The following CACNA1C variants were observed in gnomAD, a reference collection of about 807,000 sequenced individuals.
CACNA1C encodes the protein voltage-dependent L-type calcium channel subunit alpha-1C.
In CACNA1C, 30 loss-of-function variants were observed where a neutral mutation model predicts 229.0. That is an observed-to-expected ratio of 0.13 (90% CI 0.10 to 0.18). CACNA1C has a LOEUF of 0.18. Ranked by LOEUF, CACNA1C falls within the 10% of genes least tolerant of loss-of-function variation. CACNA1C has a pLI of 1.00. For missense variants in CACNA1C, 1,658 were observed against 2,845.0 expected (o/e 0.58, Z 9.49); for synonymous variants, 1,114 against 1,132.5 (o/e 0.98, Z 0.33).
At chr12:2,500,502 T>C (rs2099757060) in intron 7 of CACNA1C, among the ~76,000 whole-genome samples, 1 of 152,156 alleles carries the variant, frequency 6.6e-6, no homozygotes, top group African/African-American at 2.4e-5. Context: ...TTTGAGGAAG[T>C]TGCCTGGGCG....
chr12:2,322,536 A>G (rs1202213670), intron 3 of CACNA1C, among the ~76,000 whole-genome samples: 1 of 152,216 alleles, frequency 6.6e-6, no homozygotes, highest in African/African-American at 2.4e-5. Flanking sequence ...AGAAGGCAAG[A>G]GAGAAATCAT....
chr12:2,412,951 A>G (rs913692683), intron 3 of CACNA1C, among the ~76,000 whole-genome samples: 11 of 152,252 alleles, frequency 7.2e-5, no homozygotes, highest in Admixed American at 6.5e-4. Context: ...AGTAAAATTT[A>G]TGATATAAGT....
chr12:2,459,498 G>C (rs1376418415), intron 5 of CACNA1C, among the ~76,000 whole-genome samples: 2 of 152,152 alleles, frequency 1.3e-5, no homozygotes, highest in Non-Finnish European at 2.9e-5. Flanking sequence ...AAAGCTTGTG[G>C]CCTGTCTTAG....
intron 29 of CACNA1C, among the ~76,000 whole-genome samples, chr12:2,629,717 G>A (rs555071268): frequency 6.6e-6 from 1 of 152,296 alleles, no homozygotes; most frequent in Non-Finnish European, 1.5e-5. Flanking sequence ...TATCTCCAAC[G>A]ATGGAGCCAA....
rs191747522 is a variant in CACNA1C, at chr12:2,377,264, C to T, written c.478-71712C>T. 2.7e-3 allele frequency among the ~76,000 whole-genome samples: 404 copies of T among 152,254 alleles called. 2 individuals carry two copies. Among genetic ancestry groups the T allele is most frequent in the Non-Finnish European group, 2.7e-3 (187 of 68,016 alleles). On this transcript the variant is annotated intron_variant, in intron 3 of 46. Transcript: ENST00000399655. Reference sequence around the variant, plus strand: ...CTCAATGCCCTCCTCTCCCGGCCCCCGTTCTGTTTGTGAGCACAAGCTGGG... The same window carrying T: ...CTCAATGCCCTCCTCTCCCGGCCCCTGTTCTGTTTGTGAGCACAAGCTGGG...
At chr12:2,536,731 TG>T (rs376410842) in intron 9 of CACNA1C, among the ~76,000 whole-genome samples, 82 of 152,162 alleles carry the variant, frequency 5.4e-4, no homozygotes, top group African/African-American at 1.9e-3. Context: ...CTCAAGGTTG[TG>T]GTGGGAGGAT....
At chr12:2,044,644 G>A (rs745411402) in intron 1 of CACNA1C, among the ~76,000 whole-genome samples, 9 of 152,144 alleles carry the variant, frequency 5.9e-5, no homozygotes, top group East Asian at 5.8e-4. Context: ...GGATGGGACC[G>A]CTGCAGGTTG....
At chr12:2,417,259 C>A (rs1567562574) in intron 3 of CACNA1C, among the ~76,000 whole-genome samples, 1 of 152,174 alleles carries the variant, frequency 6.6e-6, no homozygotes, top group Non-Finnish European at 1.5e-5. Flanking sequence ...ATCTGTGGCT[C>A]CCGCCCGGTG....
At chr12:2,432,316 G>T (rs1567645059) in intron 3 of CACNA1C, among the ~76,000 whole-genome samples, 1 of 152,230 alleles carries the variant, frequency 6.6e-6, no homozygotes, top group Non-Finnish European at 1.5e-5. Flanking sequence ...TTACTTACAA[G>T]AAAGGAAGTG....
At chr12:2,298,786 C>T (rs536456096) in intron 3 of CACNA1C, among the ~76,000 whole-genome samples, 9 of 152,332 alleles carry the variant, frequency 5.9e-5, no homozygotes, top group African/African-American at 2.2e-4. Context: ...CCAGCCAAGT[C>T]GGTTCCTATC....
Position 2,567,763 on chromosome 12 carries a change from G to A in CACNA1C, c.1864G>A (p.Val622Ile), listed in dbSNP as rs768270021. 22 of 1,610,730 alleles carry A rather than the reference G, an allele frequency of 1.4e-5. No individual in the cohort carries two copies. The highest frequency in any genetic ancestry group is 1.4e-5 in the Non-Finnish European group (17 of 1,177,324). ...ACTGGGCATCTCCGTGCTCAGATGC[G>A]TCCGGCTGCTGAGGATTTTCAAGAT... Reference protein sequence around the residue: ...SPLGISVLRCVRLLRIFKITR... With the variant: ...SPLGISVLRCIRLLRIFKITR... The change falls in exon 13 of 47, where the codon GTC (valine) becomes ATC (isoleucine). Residue 622 changes from valine to isoleucine, a missense_variant. By Grantham distance (29) the Val-to-Ile change is conservative. Around this residue, in one of 20 missense-constraint regions of CACNA1C, gnomAD observed 30 missense variants for 96.6 expected, o/e 0.31. Transcript: ENST00000399655.
chr12:2,221,619 G>T (rs1267489902), intron 3 of CACNA1C: 1 of 152,228 alleles, frequency 6.6e-6, no homozygotes, highest in Non-Finnish European at 1.5e-5. Context: ...ACTCACCTTG[G>T]AGGGTCATTT....
intron 3 of CACNA1C, among the ~76,000 whole-genome samples, chr12:2,327,050 C>G (rs1390575563): frequency 6.6e-6 from 1 of 151,958 alleles, no homozygotes; most frequent in African/African-American, 2.4e-5. Context: ...GCTTTAGTTG[C>G]CATCTTGGAC....
intron 3 of CACNA1C, among the ~76,000 whole-genome samples, chr12:2,187,132 C>A (rs955724275): frequency 1.3e-5 from 2 of 152,162 alleles, no homozygotes; most frequent in Non-Finnish European, 2.9e-5. Flanking sequence ...GTTTTCAGAA[C>A]CTTTTCCAGG....
At position 2,078,712 on chromosome 12, in the gene CACNA1C, T is replaced by G. The variant is rs555480446; in HGVS notation, c.49+25101T>G. Among the ~76,000 whole-genome samples the G allele has an allele frequency of 3.9e-4, 60 of 152,274 alleles. No homozygotes were observed. The South Asian group carries it at 8.5e-3, about 22-fold the overall frequency. ...CACCTAAAAACGCTTATCGTGGAAGTCGGTGTGGCGATTCCTCAGGGATCT... is the reference window on the plus strand; with the variant it reads ...CACCTAAAAACGCTTATCGTGGAAGGCGGTGTGGCGATTCCTCAGGGATCT... On this transcript the variant is annotated intron_variant, in intron 1 of 46. Transcript: ENST00000399655.
intron 3 of CACNA1C, among the ~76,000 whole-genome samples, chr12:2,273,500 G>T (rs930490080): frequency 3.3e-5 from 5 of 152,120 alleles, no homozygotes; most frequent in Admixed American, 3.3e-4. Flanking sequence ...CTGTGGGCTG[G>T]GAGCTCCTCC....
At chr12:2,374,705 G>C (rs954422328) in intron 3 of CACNA1C, among the ~76,000 whole-genome samples, 14 of 152,206 alleles carry the variant, frequency 9.2e-5, no homozygotes, top group African/African-American at 3.4e-4. Flanking sequence ...AGCAGACAAA[G>C]AATACTAATA....
intron 30 of CACNA1C, among the ~76,000 whole-genome samples, chr12:2,643,752 C>T (rs908789008): frequency 6.6e-6 from 1 of 152,150 alleles, no homozygotes; most frequent in African/African-American, 2.4e-5. Flanking sequence ...TGGCTCCTGG[C>T]CATGAAGTTG....
intron 30 of CACNA1C, among the ~76,000 whole-genome samples, chr12:2,636,610 T>C (rs1417676001): frequency 1.3e-5 from 2 of 152,184 alleles, no homozygotes; most frequent in Non-Finnish European, 2.9e-5. Flanking sequence ...AGAGATTAAG[T>C]ACCTTTCCAG....
Sources: gnomAD v4.1 joint callset for allele counts (sites outside exome capture counted in the v4.1 genomes callset) on GRCh38, gnomAD v4.1.1 for gene constraint, gnomAD v4.1.1 regional missense constraint, MANE v1.5 for transcripts, NCBI Gene and HGNC (gene_info 2026-07-23, HGNC 2026-07-21) for gene names.